Variants in ZNF829 observed in about 807,000 individuals in gnomAD.
The protein encoded by ZNF829 is zinc finger protein 829.
A neutral mutation model predicts 35.2 loss-of-function variants in ZNF829; 25 were observed. That is an observed-to-expected ratio of 0.71 (90% CI 0.52 to 0.99). ZNF829 has a LOEUF of 0.99. Ranked by LOEUF, ZNF829 falls within the 50% of genes least tolerant of loss-of-function variation. The probability of loss-of-function intolerance (pLI) is 0.00; values close to 1 mark genes in which losing one functional copy is unlikely to be tolerated. For synonymous variants in ZNF829, 136 were observed against 163.2 expected, an observed-to-expected ratio of 0.83 and a Z score of 1.27; for missense variants, 417 against 515.3, an observed-to-expected ratio of 0.81 and a Z score of 1.85.
chr19:36,894,359 C>G (rs752829118), intron 5 of ZNF829, among the ~76,000 whole-genome samples: 1 of 152,054 alleles, frequency 6.6e-6, no homozygotes, highest in Non-Finnish European at 1.5e-5. Flanking sequence ...AAGAAATACA[C>G]AGATATCAAT....
chr19:36,890,235 C>T lies in ZNF829; in HGVS notation c.*1257G>A, dbSNP rs1386145228. The stretch of plus-strand genomic sequence containing the variant: ...TGCACAGAAGAGAAGAGTATATATT[C>T]TGTGGTTGTTGGGTAGAATGTTCTT... On this transcript the variant is annotated 3_prime_UTR_variant, in exon 6 of 6. Transcript: ENST00000391711. The T allele has an allele frequency of 6.6e-6, 1 of 152,016 alleles. No homozygotes were observed. Among genetic ancestry groups the T allele is most frequent in the East Asian group, 1.9e-4 (1 of 5,190 alleles). 9.4% of individuals were successfully genotyped at this position (152,016 alleles called of 1,614,324 possible).
chr19:36,892,366 A>C lies in ZNF829; in HGVS notation c.425T>G (p.Phe142Cys). 6.2e-7 allele frequency: 1 copy of C among 1,613,652 alleles called. No individual in the cohort carries two copies. Among genetic ancestry groups the C allele is most frequent in the Non-Finnish European group, 8.5e-7 (1 of 1,179,952 alleles). The change falls in exon 6 of 6, where the codon TTT (phenylalanine) becomes TGT (cysteine). Residue 142 changes from phenylalanine (F) to cysteine (C), a missense_variant. Physicochemically the swap from Phe to Cys is radical, Grantham distance 205. Transcript: ENST00000391711. ...CATAGTTTTTTGAGGTGGAATAAGA[A>C]ATGTGGGCTGAATAAAAGTAGACAT... ...EDMSTFIQPTFLIPPQKTMSE... is the reference protein window; with the variant it reads ...EDMSTFIQPTCLIPPQKTMSE...
chr19:36,902,189 C>G (rs1481380161), intron 5 of ZNF829: 2 of 221,210 alleles, frequency 9.0e-6, no homozygotes, highest in South Asian at 1.5e-4. Flanking sequence ...AACAAGTACC[C>G]CCCCGCACCC....
In ZNF829 at chr19:36,892,252, CCAA is replaced by C; in HGVS notation, c.536_538del (p.Phe179_Gly180delinsCys). ...CTCCTTAGATTCATAGTGTTTTTCA[CCAA>C]AATGAATTCTCTGATGTTGGATAAA... is the stretch of plus-strand genomic sequence containing the variant. On this transcript the variant is annotated inframe_deletion, in exon 6 of 6. Transcript: ENST00000391711. 1 of 1,614,002 alleles carries C rather than the reference CCAA, an allele frequency of 6.2e-7. No individual in the cohort carries two copies. The highest frequency in any genetic ancestry group is 8.5e-7 in the Non-Finnish European group (1 of 1,180,022).
intron 3 of ZNF829, among the ~76,000 whole-genome samples, 161 bp from the exon 4 acceptor site, chr19:36,908,620 T>A (rs778496881): frequency 2.6e-5 from 4 of 152,210 alleles, no homozygotes; most frequent in Non-Finnish European, 5.9e-5. Flanking sequence ...AGACTGGACT[T>A]TTCCAGTGAT....
At position 36,888,400 on chromosome 19, in the gene ZNF829, C is replaced by T. The variant is rs1334683385; in HGVS notation, c.*3092G>A. The T allele has an allele frequency of 6.6e-6, 1 of 152,214 alleles. No individual in the cohort carries two copies. The highest frequency in any genetic ancestry group is 1.5e-5 in the Non-Finnish European group (1 of 68,052). 9.4% of individuals were successfully genotyped at this position (152,214 alleles called of 1,614,324 possible). A position where few individuals can be genotyped will look rare whatever the true frequency, so the allele number is the denominator to read the frequency against. The stretch of plus-strand genomic sequence containing the variant: ...CTTGCCCTGATGATATCTGTCTCTA[C>T]AATATCCAGTACTCCCACGTCAATA... On this transcript the variant is annotated 3_prime_UTR_variant, in exon 6 of 6. Coordinates refer to ENST00000391711, the MANE Select transcript of ZNF829 (RefSeq NM_001037232.4).
chr19:36,907,749 G>C (rs1034803563), intron 5 of ZNF829, 180 bp downstream of exon 5: 2 of 516,232 alleles, frequency 3.9e-6, no homozygotes, highest in South Asian at 2.5e-5. Context: ...AATAATTATA[G>C]CATAATTGTA....
At chr19:36,908,255 T>C (rs2073235114) in intron 4 of ZNF829, 78 bp downstream of exon 4, 6 of 1,531,752 alleles carry the variant, frequency 3.9e-6, no homozygotes, top group Non-Finnish European at 3.5e-6. Context: ...GCTGGTTACA[T>C]GAAGCAAATA....
At chr19:36,905,108 T>C (rs2073204761) in intron 5 of ZNF829, among the ~76,000 whole-genome samples, 1 of 152,192 alleles carries the variant, frequency 6.6e-6, no homozygotes, top group African/African-American at 2.4e-5. Context: ...CTTGGATCAA[T>C]TTCCACTTCC....
At chr19:36,915,091 T>G (rs763558498) in intron 2 of ZNF829, 39 bp downstream of exon 2, 1 of 1,613,896 alleles carries the variant, frequency 6.2e-7, no homozygotes, top group Non-Finnish European at 8.5e-7. Flanking sequence ...GGTACCCAGA[T>G]TAGTCAAGTA....
At chr19:36,906,765 T>G (rs2073218921) in intron 5 of ZNF829, 1 of 152,108 alleles carries the variant, frequency 6.6e-6, no homozygotes, top group South Asian at 2.1e-4. Flanking sequence ...TAGTAATTAA[T>G]AATATATAAA....
chr19:36,908,234 G>A, intron 4 of ZNF829, 99 bp downstream of exon 4: 4 of 1,476,264 alleles, frequency 2.7e-6, no homozygotes, highest in Non-Finnish European at 3.7e-6. Context: ...GGAACAGGGA[G>A]CAGAAATTCA....
At chr19:36,899,634 G>A (rs928762400) in intron 5 of ZNF829, among the ~76,000 whole-genome samples, 14 of 149,918 alleles carry the variant, frequency 9.3e-5, no homozygotes, top group East Asian at 1.9e-4. Flanking sequence ...AATTTGTATC[G>A]ATAAAAACTA....
At position 36,915,024 on chromosome 19, in the gene ZNF829, T is replaced by C. The variant is rs756537165; in HGVS notation, c.39-2A>G. ...CTTTCCTCCTCTTCTGGGTGACACCTGGAGAAAGGTAAAATTGGGAGAGGG... is the reference window on the plus strand; with the variant it reads ...CTTTCCTCCTCTTCTGGGTGACACCCGGAGAAAGGTAAAATTGGGAGAGGG... On this transcript the variant is annotated splice_acceptor_variant, in intron 2 of 5. Coordinates refer to ENST00000391711, the MANE Select transcript of ZNF829 (RefSeq NM_001037232.4). LOFTEE classifies it high-confidence loss of function. 2 of 1,614,170 alleles carry C rather than the reference T, an allele frequency of 1.2e-6. No individual in the cohort carries two copies. Among genetic ancestry groups the C allele is most frequent in the East Asian group, 2.2e-5 (1 of 44,882 alleles).
chr19:36,900,539 A>G (rs1178052885), intron 5 of ZNF829, among the ~76,000 whole-genome samples: 1 of 151,948 alleles, frequency 6.6e-6, no homozygotes, highest in Non-Finnish European at 1.5e-5. Context: ...TTAAAAATAA[A>G]GATTAATAAA....
rs1218226745 is a variant in ZNF829 at position 36,890,807 on chromosome 19, G to C, written c.*685C>G. ...GGAGCTGGAGGTTGCAGTGAGCTGA[G>C]ATCACACCACTGCACTCCAGCCTGG... On this transcript the variant is annotated 3_prime_UTR_variant, in exon 6 of 6. Coordinates refer to ENST00000391711, the MANE Select transcript of ZNF829 (RefSeq NM_001037232.4). The C allele has an allele frequency of 6.6e-6, 1 of 152,064 alleles. No individual in the cohort carries two copies. The highest frequency in any genetic ancestry group is 1.5e-5 in the Non-Finnish European group (1 of 68,078). 9.4% of individuals were successfully genotyped at this position (152,064 alleles called of 1,614,324 possible).
chr19:36,892,467 C>T lies in ZNF829; in HGVS notation c.324G>A (p.Leu108=), dbSNP rs2073066959. Residue 108 remains leucine, a synonymous_variant, in exon 6 of 6, where the codon CTG becomes CTA. Transcript: ENST00000391711. ...ATATTTTGGTCTCACACATTGATTC[C>T]AGATCTGAAAGAAAATACAAAGGCA... ...RELTRGLCSD[L]ESMCETKILS... 2 of 1,565,432 alleles carry T rather than the reference C, an allele frequency of 1.3e-6. No individual in the cohort carries two copies. The highest frequency in any genetic ancestry group is 1.7e-6 in the Non-Finnish European group (2 of 1,163,788).
intron 5 of ZNF829, among the ~76,000 whole-genome samples, chr19:36,897,192 C>T (rs1353306619): frequency 1.3e-5 from 2 of 152,106 alleles, no homozygotes; most frequent in East Asian, 3.8e-4. Flanking sequence ...TTAATTCTTC[C>T]TAATCCATTC....
intron 3 of ZNF829, among the ~76,000 whole-genome samples, chr19:36,909,764 G>T (rs1278922583): frequency 2.7e-5 from 4 of 150,242 alleles, no homozygotes; most frequent in Non-Finnish European, 4.4e-5. Context: ...CCAAGATTGC[G>T]CCACTGCACT....
Sources: gnomAD v4.1 joint callset for allele counts (sites outside exome capture counted in the v4.1 genomes callset) on GRCh38, gnomAD v4.1.1 for gene constraint, MANE v1.5 for transcripts, NCBI Gene and HGNC (gene_info 2026-07-23, HGNC 2026-07-21) for gene names.